The following STAG1 variants were observed in gnomAD, a reference collection of about 807,000 sequenced individuals.
The protein encoded by STAG1 is cohesin subunit SA-1.
STAG1 carries 26 observed loss-of-function variants against 170.9 expected under a neutral mutation model. The observed-to-expected ratio is 0.15, with a 90% CI of 0.11 to 0.21. The LOEUF is 0.21. Ranked by LOEUF, STAG1 falls within the 10% of genes least tolerant of loss-of-function variation. The probability of loss-of-function intolerance (pLI) is 1.00; values close to 1 mark genes in which losing one functional copy is unlikely to be tolerated. For synonymous variants in STAG1, 514 were observed against 497.7 expected, an observed-to-expected ratio of 1.03 and a Z score of -0.44; for missense variants, 964 against 1,509.5, an observed-to-expected ratio of 0.64 and a Z score of 5.99.
chr3:136,530,717 G>C (rs1368951915), intron 6 of STAG1, among the ~76,000 whole-genome samples: 1 of 152,102 alleles, frequency 6.6e-6, no homozygotes, highest in African/African-American at 2.4e-5. Flanking sequence ...TGAAATAAAT[G>C]AAAGTGGAAA....
At chr3:136,356,704 A>G (rs1936669754) in intron 28 of STAG1, among the ~76,000 whole-genome samples, 2 of 152,146 alleles carry the variant, frequency 1.3e-5, no homozygotes, top group African/African-American at 2.4e-5. Flanking sequence ...TTAACAGTTT[A>G]TAAAATTTAG....
chr3:136,625,476 T>C (rs960226310), intron 2 of STAG1, among the ~76,000 whole-genome samples: 13 of 152,216 alleles, frequency 8.5e-5, no homozygotes, highest in African/African-American at 3.1e-4. Context: ...ACATCTAAAA[T>C]TGAATCCAAT....
chr3:136,400,034 C>T (rs116079103), intron 21 of STAG1, among the ~76,000 whole-genome samples: 1,732 of 150,288 alleles, frequency 0.012, 19 homozygotes, highest in Non-Finnish European at 0.018. Context: ...GTGGTCCTCT[C>T]GCCTCAGCCT....
chr3:136,429,891 A>G (rs1467294802), intron 16 of STAG1, among the ~76,000 whole-genome samples: 1 of 152,152 alleles, frequency 6.6e-6, no homozygotes, highest in Non-Finnish European at 1.5e-5. Context: ...TTTCTTAAAA[A>G]CTTTTTTCTC....
At chr3:136,685,694 A>G (rs1942496563) in intron 1 of STAG1, among the ~76,000 whole-genome samples, 1 of 152,210 alleles carries the variant, frequency 6.6e-6, no homozygotes, top group Non-Finnish European at 1.5e-5. Context: ...AAAAGATTAT[A>G]TATTGTATGA....
chr3:136,665,546 G>A (rs534738397), intron 1 of STAG1, among the ~76,000 whole-genome samples: 7 of 152,180 alleles, frequency 4.6e-5, no homozygotes, highest in Admixed American at 2.6e-4. Flanking sequence ...TTGGGAGGAC[G>A]AGACAGGCAG....
At chr3:136,678,855 A>G (rs1441059353) in intron 1 of STAG1, among the ~76,000 whole-genome samples, 1 of 150,734 alleles carries the variant, frequency 6.6e-6, no homozygotes, top group Non-Finnish European at 1.5e-5. Flanking sequence ...GCTCACAAAA[A>G]AAAAAAAAAA....
chr3:136,690,583 A>C (rs1046754638), intron 1 of STAG1, among the ~76,000 whole-genome samples: 1 of 152,124 alleles, frequency 6.6e-6, no homozygotes, highest in South Asian at 2.1e-4. Context: ...AGCAACCCCA[A>C]AGGCATATCT....
At chr3:136,542,602 C>G (rs988496233) in intron 5 of STAG1, among the ~76,000 whole-genome samples, 1 of 149,670 alleles carries the variant, frequency 6.7e-6, no homozygotes, top group African/African-American at 2.5e-5. Context: ...TGTAGCAAAA[C>G]ATCCACTGAC....
intron 7 of STAG1, among the ~76,000 whole-genome samples, chr3:136,506,068 C>A (rs904665604): frequency 2.6e-5 from 4 of 152,184 alleles, no homozygotes; most frequent in African/African-American, 9.7e-5. Flanking sequence ...TGAATTAAAT[C>A]TAAGCAGGGT....
At chr3:136,386,565 A>G (rs916211839) in intron 22 of STAG1, among the ~76,000 whole-genome samples, 2 of 152,220 alleles carry the variant, frequency 1.3e-5, no homozygotes, top group African/African-American at 4.8e-5. Context: ...ACAGTCAGTG[A>G]GGAAAGGTAA....
chr3:136,699,700 C>T (rs1334132325), intron 1 of STAG1, among the ~76,000 whole-genome samples: 1 of 151,996 alleles, frequency 6.6e-6, no homozygotes, highest in African/African-American at 2.4e-5. Flanking sequence ...GTTATGCTCT[C>T]ACTTCGAAGT....
chr3:136,642,155 C>T (rs1687771162), intron 1 of STAG1, among the ~76,000 whole-genome samples: 1 of 150,116 alleles, frequency 6.7e-6, no homozygotes, highest in Admixed American at 6.7e-5. Flanking sequence ...TCTTGAAGAT[C>T]AAAAATTATA....
intron 21 of STAG1, among the ~76,000 whole-genome samples, chr3:136,405,791 C>CAAAAAAAAAAAAAAAAAAAAAAAAA: frequency 2.0e-5 from 1 of 50,080 alleles, no homozygotes. Flanking sequence ...ACTCTATCTC[C>CAAAAAAAAAAAAAAAAAAAAAAAAA]AAAAAAAAAA....
At chr3:136,374,813 TAG>T (rs1489156422) in intron 23 of STAG1, among the ~76,000 whole-genome samples, 16 of 152,300 alleles carry the variant, frequency 1.1e-4, no homozygotes, top group South Asian at 6.2e-4. Flanking sequence ...ATGGTACATA[TAG>T]AGTCTACAGT....
intron 1 of STAG1, chr3:136,736,573 C>T: frequency 6.6e-7 from 1 of 1,524,008 alleles, no homozygotes; most frequent in Non-Finnish European, 9.1e-7. Flanking sequence ...TTTGTATTGG[C>T]TTGGAAGTTT....
chr3:136,736,455 T>C lies in STAG1; in HGVS notation c.-84+15740A>G. 3 of 1,238,500 alleles carry C rather than the reference T, an allele frequency of 2.4e-6. No individual in the cohort carries two copies. The South Asian group carries it at 3.6e-5, about 15-fold the overall frequency. The allele number at this position is 1,238,500 out of a possible 1,614,324, so 76.7% of individuals were successfully genotyped here. A position where few individuals can be genotyped will look rare whatever the true frequency, so the allele number is the denominator to read the frequency against. On this transcript the variant is annotated intron_variant, in intron 1 of 33. Coordinates refer to ENST00000383202, the MANE Select transcript of STAG1 (RefSeq NM_005862.3). ...GAGTCCTTCGAAGCAGGAAGGGAGATAGCAGGGGGAAGGTTCTGTGCCTGT... is the reference window on the plus strand; with the variant it reads ...GAGTCCTTCGAAGCAGGAAGGGAGACAGCAGGGGGAAGGTTCTGTGCCTGT...
At chr3:136,468,914 A>G (rs928830367) in intron 12 of STAG1, among the ~76,000 whole-genome samples, 1 of 152,166 alleles carries the variant, frequency 6.6e-6, no homozygotes, top group Admixed American at 6.5e-5. Context: ...CATGCAGAAA[A>G]GGCCTTTGAC....
At chr3:136,366,821 C>G (rs1355449464) in intron 25 of STAG1, 122 bp downstream of exon 25, 4 of 707,306 alleles carry the variant, frequency 5.7e-6, no homozygotes, top group Non-Finnish European at 8.8e-6. Flanking sequence ...GAAACTTTAT[C>G]ATAAAATCAT....
Sources: allele counts gnomAD v4.1 joint callset (sites outside exome capture counted in the v4.1 genomes callset), GRCh38; gene constraint gnomAD v4.1.1; transcripts MANE v1.5; gene names NCBI Gene and HGNC (gene_info 2026-07-23, HGNC 2026-07-21).